Variants in IDE observed in about 807,000 individuals in gnomAD.
IDE encodes the protein insulin-degrading enzyme.
IDE carries 58 observed loss-of-function variants against 133.2 expected under a neutral mutation model. The ratio of observed to expected loss-of-function variants is 0.44; its 90% confidence interval spans 0.35 to 0.54. The LOEUF (loss-of-function observed/expected upper bound fraction) is 0.54. Among genes scored for constraint, IDE ranks in the 20% least tolerant of loss-of-function variants. IDE has a pLI of 0.00. For missense variants in IDE, 981 were observed against 1,234.0 expected (o/e 0.79, Z 3.07); for synonymous variants, 396 against 421.3 (o/e 0.94, Z 0.73).
At chr10:92,463,151 A>G (rs570847551) in intron 21 of IDE, among the ~76,000 whole-genome samples, 266 of 152,350 alleles carry the variant, frequency 1.7e-3, no homozygotes, top group African/African-American at 5.7e-3. Context: ...TTGGTGTCAG[A>G]GTAAGAACAC....
chr10:92,545,627 G>A (rs1004114845), intron 1 of IDE, among the ~76,000 whole-genome samples: 18 of 152,322 alleles, frequency 1.2e-4, no homozygotes, highest in African/African-American at 4.3e-4. Context: ...CCTAAGCAAA[G>A]GGACTGTACT....
chr10:92,519,901 T>C (rs151040210), intron 4 of IDE, among the ~76,000 whole-genome samples: 28 of 152,272 alleles, frequency 1.8e-4, no homozygotes, highest in Non-Finnish European at 2.9e-4. Context: ...GGTCAGGAGC[T>C]TGAGACCAGC....
chr10:92,479,982 G>A (rs1846511428), intron 14 of IDE, among the ~76,000 whole-genome samples: 1 of 152,134 alleles, frequency 6.6e-6, no homozygotes, highest in Non-Finnish European at 1.5e-5. Context: ...AGAACTGTCA[G>A]TAAAATAATT....
chr10:92,508,926 G>A lies in IDE; in HGVS notation c.898-36C>T, dbSNP rs565848465. ...CAAATCACAGAGATTAGCTATATAC[G>A]ACTCCTACTGAAGAAAATATTTCTA... On this transcript the variant is annotated intron_variant, in intron 6 of 24. Coordinates refer to ENST00000265986, the MANE Select transcript of IDE (RefSeq NM_004969.4). 9.7e-4 allele frequency: 1,430 copies of A among 1,477,894 alleles called. 24 individuals are homozygous for A. In the South Asian group the frequency reaches 0.016, roughly 16 times the overall value. 91.5% of individuals were successfully genotyped at this position (1,477,894 alleles called of 1,614,324 possible).
chr10:92,485,166 T>C (rs1249155114), intron 13 of IDE, among the ~76,000 whole-genome samples: 1 of 145,678 alleles, frequency 6.9e-6, no homozygotes, highest in African/African-American at 2.6e-5. Context: ...TCGCTCTTGT[T>C]ACCCAGGCTG....
At chr10:92,572,946 A>G (rs1024094321) in intron 1 of IDE, 1 of 985,220 alleles carries the variant, frequency 1.0e-6, no homozygotes, top group Non-Finnish European at 1.2e-6. Flanking sequence ...TGGCATCCCA[A>G]TCCGCTCCAA....
chr10:92,535,304 C>G (rs552721317), intron 2 of IDE, among the ~76,000 whole-genome samples: 3 of 152,186 alleles, frequency 2.0e-5, no homozygotes, highest in African/African-American at 7.2e-5. Flanking sequence ...GGGGTTTCAC[C>G]GTGTTAGCCA....
intron 18 of IDE, 48 bp from the exon 19 acceptor site, chr10:92,469,038 CTT>C: frequency 9.6e-7 from 1 of 1,046,592 alleles, no homozygotes; most frequent in Non-Finnish European, 1.5e-6. Context: ...ATAAACATAT[CTT>C]GTTTGTGAAA....
At chr10:92,544,557 G>A (rs1190585411) in intron 1 of IDE, among the ~76,000 whole-genome samples, 2 of 152,228 alleles carry the variant, frequency 1.3e-5, no homozygotes, top group Admixed American at 6.5e-5. Flanking sequence ...GAGGGACAGA[G>A]GTGGTGCTGA....
chr10:92,464,098 C>A, intron 20 of IDE, 95 bp from the exon 21 acceptor site: 1 of 1,310,022 alleles, frequency 7.6e-7, no homozygotes, highest in Non-Finnish European at 1.1e-6. Context: ...CAAATAAAAT[C>A]TAGTTTAAGG....
At chr10:92,487,161 C>T (rs749199775) in intron 13 of IDE, 35 bp downstream of exon 13, 1 of 1,591,506 alleles carries the variant, frequency 6.3e-7, no homozygotes, top group South Asian at 1.1e-5. Flanking sequence ...TAGGTCTGTC[C>T]CCCAAATTTA....
rs572543538 is a variant in IDE at position 92,508,817 on chromosome 10, T to C, written c.971A>G (p.Lys324Arg). 26 of 1,613,152 alleles carry C rather than the reference T, an allele frequency of 1.6e-5. No homozygotes were observed. The South Asian group carries it at 2.9e-4, about 18-fold the overall frequency. Residue 324 changes from lysine (K) to arginine (R), a missense_variant, in exon 7 of 25, where the codon AAA becomes AGA. Physicochemically the swap from Lys to Arg is conservative, Grantham distance 26. This residue lies in a region of IDE where 660 missense variants were observed against 894.7 expected (regional missense o/e 0.74). Coordinates refer to ENST00000265986, the MANE Select transcript of IDE (RefSeq NM_004969.4). ...ATGACCAGGATTTGATTTGTAGTAT[T>C]TCTGAAGGTCAGGTATGGGAAATGT... ...YVTFPIPDLQ[K>R]YYKSNPGHYL...
chr10:92,508,761 G>A lies in IDE; in HGVS notation c.1027C>T (p.Pro343Ser), dbSNP rs373243794. Residue 343 changes from proline (P) to serine (S), a missense_variant, in exon 7 of 25, where the codon CCT becomes TCT. Physicochemically the swap from Pro to Ser is moderately conservative, Grantham distance 74. This residue lies in a region of IDE where 660 missense variants were observed against 894.7 expected (regional missense o/e 0.74). Transcript: ENST00000265986. ...YLGHLIGHEG[P>S]GSLLSELKSK... is the part of the protein sequence containing the mutation. The stretch of plus-strand genomic sequence containing the variant: ...TTAAGTTCTGATAACAGACTTCCAG[G>A]ACCTTCATGCCCAATGAGATGACCA... 5 of 1,613,944 alleles carry A rather than the reference G, an allele frequency of 3.1e-6. No homozygotes were observed. Among genetic ancestry groups the A allele is most frequent in the Non-Finnish European group, 4.2e-6 (5 of 1,179,998 alleles).
chr10:92,460,785 C>T (rs1845337620), intron 22 of IDE, among the ~76,000 whole-genome samples: 1 of 152,210 alleles, frequency 6.6e-6, no homozygotes, highest in African/African-American at 2.4e-5. Context: ...AAAACACCTT[C>T]ATAAATCCAG....
intron 12 of IDE, among the ~76,000 whole-genome samples, chr10:92,487,884 C>T (rs113406082): frequency 0.055 from 8,400 of 152,242 alleles, 805 homozygotes; most frequent in African/African-American, 0.19. Flanking sequence ...GCAACCTCCA[C>T]CTCCTGCGTT....
chr10:92,479,215 C>T (rs954347408), intron 15 of IDE, 62 bp downstream of exon 15: 3 of 1,221,244 alleles, frequency 2.5e-6, no homozygotes, highest in African/African-American at 3.1e-5. Context: ...TCAAAAAATG[C>T]TTCCATCAAA....
Position 92,508,213 on chromosome 10 carries a change from A to G in IDE, c.1061-8T>C. ...CAAGAGTATTAACCCAGCCTGCAAC[A>G]TTCAAAGGAAATCAATACGATTGAT... is the stretch of plus-strand genomic sequence containing the variant. On this transcript the variant is annotated splice_region_variant and splice_polypyrimidine_tract_variant and intron_variant, in intron 7 of 24. Transcript: ENST00000265986. 6.2e-7 allele frequency: 1 copy of G among 1,606,232 alleles called. No homozygotes were observed. Among genetic ancestry groups the G allele is most frequent in the Non-Finnish European group, 8.5e-7 (1 of 1,175,912 alleles).
At chr10:92,518,177 G>T (rs764312179) in intron 4 of IDE, among the ~76,000 whole-genome samples, 16 of 152,050 alleles carry the variant, frequency 1.1e-4, no homozygotes, top group Non-Finnish European at 1.8e-4. Flanking sequence ...GATTCTAAAA[G>T]CCACAGTTCT....
intron 4 of IDE, among the ~76,000 whole-genome samples, chr10:92,528,751 A>C (rs767056334): frequency 2.6e-5 from 4 of 152,166 alleles, no homozygotes; most frequent in Non-Finnish European, 5.9e-5. Context: ...AAAAATACAC[A>C]CCTTTTTCTG....
Sources: allele counts gnomAD v4.1 joint callset (sites outside exome capture counted in the v4.1 genomes callset), GRCh38; gene constraint gnomAD v4.1.1; regional missense constraint gnomAD v4.1.1; transcripts MANE v1.5; gene names NCBI Gene and HGNC (gene_info 2026-07-23, HGNC 2026-07-21).